Variants in KL observed in about 807,000 individuals in gnomAD.
KL encodes klotho, also known as alpha-klotho.
KL carries 62 observed loss-of-function variants against 84.2 expected under a neutral mutation model. The observed-to-expected ratio is 0.74, with a 90% CI of 0.60 to 0.91. The LOEUF is 0.91. Among genes scored for constraint, KL ranks in the 40% least tolerant of loss-of-function variants. The probability of loss-of-function intolerance (pLI) is 0.00; values close to 1 mark genes in which losing one functional copy is unlikely to be tolerated. For missense variants in KL, 1,261 were observed against 1,305.7 expected (o/e 0.97, Z 0.53); for synonymous variants, 528 against 528.0 (o/e 1.00, Z 0.00).
chr13:33,044,192 T>C (rs980354043), intron 1 of KL, among the ~76,000 whole-genome samples: 2 of 152,252 alleles, frequency 1.3e-5, no homozygotes, highest in Admixed American at 1.3e-4. Context: ...TATTTGTCTA[T>C]CCTTATGCCA....
In KL at chr13:33,054,157, G is replaced by T; in HGVS notation, c.1210G>T (p.Glu404Ter). 1 of 1,613,934 alleles carries T rather than the reference G, an allele frequency of 6.2e-7. No homozygotes were observed. The highest frequency in any genetic ancestry group is 8.5e-7 in the Non-Finnish European group (1 of 1,180,004). The change falls in exon 2 of 5, where the codon GAA becomes TAA. Residue 404 changes from glutamate to a stop codon, truncating the protein, a stop_gained. Transcript: ENST00000380099. LOFTEE classifies it high-confidence loss of function. ...LRQLLSWIDL[E>*]FNHPQIFIVE... ...GCAACTGCTTTCCTGGATTGACCTTGAATTTAACCATCCTCAAATATTTAT... is the reference window on the plus strand; with the variant it reads ...GCAACTGCTTTCCTGGATTGACCTTTAATTTAACCATCCTCAAATATTTAT...
rs1872316931 is a variant in KL, at chr13:33,064,075, T to C, written c.2928T>C (p.Phe976=). 1 of 1,614,072 alleles carries C rather than the reference T, an allele frequency of 6.2e-7. No homozygotes were observed. Among genetic ancestry groups the C allele is most frequent in the East Asian group, 2.2e-5 (1 of 44,902 alleles). Reference sequence around the variant, plus strand: ...CCGTGTGTACTGAGTGCAGTTTTTTTCACACCCGAAAGTCTTTACTGGCTT... The same window carrying C: ...CCGTGTGTACTGAGTGCAGTTTTTTCCACACCCGAAAGTCTTTACTGGCTT... ...EFTVCTECSF[F]HTRKSLLAFI... Residue 976 remains phenylalanine, a synonymous_variant, in exon 5 of 5, where the codon TTT becomes TTC. Coordinates refer to ENST00000380099, the MANE Select transcript of KL (RefSeq NM_004795.4).
At chr13:33,039,348 A>C (rs570851755) in intron 1 of KL, among the ~76,000 whole-genome samples, 47 of 152,342 alleles carry the variant, frequency 3.1e-4, no homozygotes, top group Non-Finnish European at 6.2e-4. Flanking sequence ...GGCCCATAGT[A>C]GTTACTTAAT....
rs765259959 is a variant in KL at position 33,061,198 on chromosome 13, C to T, written c.2119C>T (p.His707Tyr). ...TGCTGGCCACAACCTTCTGAAGGCC[C>T]ATGCCCTGGCTTGGCATGTGTACAA... Reference protein sequence around the residue: ...YSAGHNLLKAHALAWHVYNEK... With the variant: ...YSAGHNLLKAYALAWHVYNEK... Residue 707 changes from histidine to tyrosine, a missense_variant, in exon 4 of 5, where the codon CAT becomes TAT. His to Tyr is a moderately conservative substitution (Grantham distance 83, BLOSUM62 2). Coordinates refer to ENST00000380099, the MANE Select transcript of KL (RefSeq NM_004795.4). 6.2e-7 allele frequency: 1 copy of T among 1,614,248 alleles called. No individual in the cohort carries two copies. The highest frequency in any genetic ancestry group is 8.5e-7 in the Non-Finnish European group (1 of 1,180,042).
chr13:33,047,405 T>A (rs182588501), intron 1 of KL, among the ~76,000 whole-genome samples: 102 of 151,148 alleles, frequency 6.7e-4, no homozygotes, highest in African/African-American at 2.4e-3. Flanking sequence ...CAGGCTGGAG[T>A]GCAGTGGCAC....
intron 3 of KL, among the ~76,000 whole-genome samples, chr13:33,059,470 C>CT (rs1042544039): frequency 6.6e-6 from 1 of 151,814 alleles, no homozygotes; most frequent in African/African-American, 2.4e-5. Flanking sequence ...ACTTTCTTTT[C>CT]TTTTTTTCTA....
At chr13:33,053,745 G>C in intron 1 of KL, 22 bp from the exon 2 acceptor site, 3 of 1,612,338 alleles carry the variant, frequency 1.9e-6, no homozygotes, top group Non-Finnish European at 2.5e-6. Context: ...AGATAAATTT[G>C]CCATGGTTTT....
Position 33,060,865 on chromosome 13 carries a change from T to G in KL, c.1786T>G (p.Ser596Ala). ...AATGCACGTTACACATTTTCGCTTC[T>G]CCCTGGACTGGGCCCTGATTCTCCC... is the stretch of plus-strand genomic sequence containing the variant. ...QEMHVTHFRF[S>A]LDWALILPLG... The change falls in exon 4 of 5, where the codon TCC (serine) becomes GCC (alanine). Residue 596 changes from serine (S) to alanine (A), a missense_variant. Ser to Ala is a moderately conservative substitution (Grantham distance 99, BLOSUM62 1). Transcript: ENST00000380099. 1 of 1,614,206 alleles carries G rather than the reference T, an allele frequency of 6.2e-7. No individual in the cohort carries two copies. The highest frequency in any genetic ancestry group is 8.5e-7 in the Non-Finnish European group (1 of 1,180,020).
At chr13:33,044,227 T>C (rs571801926) in intron 1 of KL, among the ~76,000 whole-genome samples, 1 of 152,354 alleles carries the variant, frequency 6.6e-6, no homozygotes, top group Admixed American at 6.5e-5. Flanking sequence ...TAAATAATTA[T>C]AGCTTTATAA....
intron 1 of KL, among the ~76,000 whole-genome samples, chr13:33,051,744 T>G (rs1461203114): frequency 6.6e-6 from 1 of 152,172 alleles, no homozygotes; most frequent in Non-Finnish European, 1.5e-5. Context: ...TGACCGAGAT[T>G]AATGCATTCT....
chr13:33,038,542 C>T (rs1308640214), intron 1 of KL, among the ~76,000 whole-genome samples: 1 of 152,138 alleles, frequency 6.6e-6, no homozygotes, highest in Non-Finnish European at 1.5e-5. Context: ...TGAAATGCAA[C>T]ATGGTCAAAA....
chr13:33,019,952 A>G (rs1432018847), intron 1 of KL, among the ~76,000 whole-genome samples: 1 of 152,108 alleles, frequency 6.6e-6, no homozygotes, highest in Non-Finnish European at 1.5e-5. Context: ...GTCCCCTGAA[A>G]TCAGCACTAG....
chr13:33,047,842 C>A (rs576856738), intron 1 of KL, among the ~76,000 whole-genome samples: 35 of 82,102 alleles, frequency 4.3e-4, no homozygotes, highest in Non-Finnish European at 7.5e-4. Context: ...TTTAGAGAAA[C>A]CTTTTAATAT....
chr13:33,040,948 C>T (rs1871317333), intron 1 of KL, among the ~76,000 whole-genome samples: 2 of 152,148 alleles, frequency 1.3e-5, no homozygotes, highest in African/African-American at 4.8e-5. Flanking sequence ...ATTCTGCCTT[C>T]AATAATAGCC....
At chr13:33,028,621 C>T (rs189073023) in intron 1 of KL, among the ~76,000 whole-genome samples, 259 of 152,210 alleles carry the variant, frequency 1.7e-3, no homozygotes, top group African/African-American at 6.0e-3. Flanking sequence ...ATTGGAGGCT[C>T]ATGTGACTTC....
rs139797604 is a variant in KL, at chr13:33,032,585, TC to T, written c.819+15327del. On this transcript the variant is annotated intron_variant, in intron 1 of 4. Coordinates refer to ENST00000380099, the MANE Select transcript of KL (RefSeq NM_004795.4). The stretch of plus-strand genomic sequence containing the variant: ...AGGAGGAAGTGGTATGGACTTCTTT[TC>T]TTCTTCTTCTTCTTCTTTTCACTTA... 2.4e-3 allele frequency among the ~76,000 whole-genome samples: 360 copies of T among 151,972 alleles called. 1 individual carries two copies. Among genetic ancestry groups the T allele is most frequent in the African/African-American group, 7.4e-3 (305 of 41,466 alleles).
intron 1 of KL, among the ~76,000 whole-genome samples, chr13:33,051,546 A>G (rs1390837562): frequency 6.6e-6 from 1 of 152,142 alleles, no homozygotes; most frequent in Non-Finnish European, 1.5e-5. Flanking sequence ...AAAACAAAAC[A>G]AAAAAGAGTG....
intron 1 of KL, among the ~76,000 whole-genome samples, chr13:33,045,630 G>A (rs1264608304): frequency 6.6e-6 from 1 of 152,148 alleles, no homozygotes; most frequent in African/African-American, 2.4e-5. Context: ...ACAGGTGCCT[G>A]CCACCACACC....
intron 4 of KL, among the ~76,000 whole-genome samples, chr13:33,061,990 C>T (rs1428522254): frequency 6.6e-6 from 1 of 152,190 alleles, no homozygotes; most frequent in Non-Finnish European, 1.5e-5. Flanking sequence ...ATCCCTAGCC[C>T]CTACTCTGGA....
Sources: allele counts gnomAD v4.1 joint callset (sites outside exome capture counted in the v4.1 genomes callset), GRCh38; gene constraint gnomAD v4.1.1; transcripts MANE v1.5; gene names NCBI Gene and HGNC (gene_info 2026-07-23, HGNC 2026-07-21).